The following CAND2 variants were observed in gnomAD, a reference collection of about 807,000 sequenced individuals.
CAND2 encodes cullin-associated NEDD8-dissociated protein 2.
CAND2 carries 62 observed loss-of-function variants against 98.9 expected under a neutral mutation model. That is an observed-to-expected ratio of 0.63 (90% CI 0.51 to 0.77). CAND2 has a LOEUF of 0.77. Ranked by LOEUF, CAND2 falls within the 30% of genes least tolerant of loss-of-function variation. The pLI is 0.00. For missense variants in CAND2, 1,501 were observed against 1,655.2 expected, an observed-to-expected ratio of 0.91 and a Z score of 1.62; for synonymous variants, 770 against 731.9, an observed-to-expected ratio of 1.05 and a Z score of -0.84.
intron 10 of CAND2, among the ~76,000 whole-genome samples, chr3:12,819,527 G>A (rs1047499165): frequency 6.6e-6 from 1 of 152,178 alleles, no homozygotes; most frequent in Non-Finnish European, 1.5e-5. Context: ...CAAGCTCTCT[G>A]TGACCGAGCC....
chr3:12,814,960 G>A (rs552938270), intron 7 of CAND2, among the ~76,000 whole-genome samples, 181 bp from the exon 8 acceptor site: 83 of 152,228 alleles, frequency 5.5e-4, no homozygotes, highest in African/African-American at 1.8e-3. Flanking sequence ...AGCCCCATCC[G>A]TAGCACTCAG....
intron 11 of CAND2, among the ~76,000 whole-genome samples, chr3:12,821,244 A>G (rs1326349283): frequency 2.0e-5 from 3 of 152,028 alleles, no homozygotes; most frequent in African/African-American, 7.2e-5. Context: ...AAAAAAAAAA[A>G]AAAAAATTAG....
At chr3:12,830,571 G>C (rs1300514775) in intron 13 of CAND2, among the ~76,000 whole-genome samples, 1 of 152,216 alleles carries the variant, frequency 6.6e-6, no homozygotes, top group African/African-American at 2.4e-5. Flanking sequence ...CAGGAGCGCA[G>C]GACAGGGCCT....
At chr3:12,830,611 T>C (rs370322843) in intron 13 of CAND2, among the ~76,000 whole-genome samples, 2 of 152,234 alleles carry the variant, frequency 1.3e-5, no homozygotes, top group East Asian at 3.8e-4. Flanking sequence ...GAGTCCACTC[T>C]GCTGCCACCC....
At chr3:12,813,823 G>A (rs543546005) in intron 7 of CAND2, among the ~76,000 whole-genome samples, 1 of 152,320 alleles carries the variant, frequency 6.6e-6, no homozygotes, top group African/African-American at 2.4e-5. Flanking sequence ...CTCTGATGGT[G>A]GAATGGCAGG....
chr3:12,815,952 AGCT>A lies in CAND2; in HGVS notation c.1387_1389del (p.Leu463del). On this transcript the variant is annotated inframe_deletion, in exon 9 of 15. Transcript: ENST00000456430. The surrounding 1 kb of genome is among the most constrained non-coding windows in gnomAD (Gnocchi z 5.7). Reference sequence around the variant, plus strand: ...CAGGGATGCTTCAGCCTCCTCACCGAGCTGGCGGGTGTCCTCCCAGGCAGCCTG... The same window carrying A: ...CAGGGATGCTTCAGCCTCCTCACCGAGGCGGGTGTCCTCCCAGGCAGCCTG... 1 of 1,613,842 alleles carries A rather than the reference AGCT, an allele frequency of 6.2e-7. No homozygotes were observed. The highest frequency in any genetic ancestry group is 8.5e-7 in the Non-Finnish European group (1 of 1,179,974).
chr3:12,819,819 G>C (rs1032328959), intron 10 of CAND2, among the ~76,000 whole-genome samples: 2 of 152,234 alleles, frequency 1.3e-5, no homozygotes, highest in Admixed American at 6.5e-5. Context: ...TGTTGGAGCA[G>C]TTCCTGTCTT....
Position 12,813,275 on chromosome 3 carries a change from C to T in CAND2, c.893C>T (p.Pro298Leu). ...CCCAAGGAAATGGGTCCTCACGTGC[C>T]CAACGTGACCAGCCTCTGCCTCCAA... Reference protein sequence around the residue: ...KCPKEMGPHVPNVTSLCLQYI... With the variant: ...KCPKEMGPHVLNVTSLCLQYI... Residue 298 changes from proline (P) to leucine (L), a missense_variant, in exon 7 of 15, where the codon CCC becomes CTC. Coordinates refer to ENST00000456430, the MANE Select transcript of CAND2 (RefSeq NM_001162499.2). 6.2e-7 allele frequency: 1 copy of T among 1,613,806 alleles called. No individual in the cohort carries two copies. The highest frequency in any genetic ancestry group is 8.5e-7 in the Non-Finnish European group (1 of 1,179,986).
At position 12,817,806 on chromosome 3, in the gene CAND2, G is replaced by T; in HGVS notation, c.2874G>T (p.Glu958Asp). ...AGGGCACCCGGGGGGTGGTGGCCGAGTGCATTGGGAAGCTGGTCCTTGTGA... is the reference window on the plus strand; with the variant it reads ...AGGGCACCCGGGGGGTGGTGGCCGATTGCATTGGGAAGCTGGTCCTTGTGA... ...AEEGTRGVVA[E>D]CIGKLVLVNP... Residue 958 changes from glutamate to aspartate, a missense_variant, in exon 10 of 15, where the codon GAG (glutamate) becomes GAT (aspartate). Around this residue, in one of 3 missense-constraint regions of CAND2, gnomAD observed 1,427 missense variants for 1,545.3 expected, o/e 0.92. Coordinates refer to ENST00000456430, the MANE Select transcript of CAND2 (RefSeq NM_001162499.2). The T allele has an allele frequency of 6.6e-7, 1 of 1,526,602 alleles. No homozygotes were observed. The highest frequency in any genetic ancestry group is 8.8e-7 in the Non-Finnish European group (1 of 1,139,542). The allele number at this position is 1,526,602 out of a possible 1,614,324, so 94.6% of individuals were successfully genotyped here. A position where few individuals can be genotyped will look rare whatever the true frequency, so the allele number is the denominator to read the frequency against.
rs374047348 is a variant in CAND2 at position 12,817,644 on chromosome 3, C to T, written c.2712C>T (p.Ile904=). ...PDFLPFLLEQ[I]EAEPRRQYLL... is the part of the protein sequence containing the mutation. ...TCCTGCCCTTCCTGCTGGAGCAGATCGAGGCTGAGCCCCGACGACAGTACC... is the reference window on the plus strand; with the variant it reads ...TCCTGCCCTTCCTGCTGGAGCAGATTGAGGCTGAGCCCCGACGACAGTACC... Residue 904 remains isoleucine (I), a synonymous_variant, in exon 10 of 15, where the codon ATC becomes ATT. Transcript: ENST00000456430. The T allele has an allele frequency of 1.2e-5, 20 of 1,612,894 alleles. No homozygotes were observed. Among genetic ancestry groups the T allele is most frequent in the African/African-American group, 5.3e-5 (4 of 74,940 alleles).
Position 12,834,753 on chromosome 3 carries a change from C to G in CAND2, c.*771C>G, listed in dbSNP as rs1206727587. On this transcript the variant is annotated 3_prime_UTR_variant, in exon 15 of 15. Coordinates refer to ENST00000456430, the MANE Select transcript of CAND2 (RefSeq NM_001162499.2). Reference sequence around the variant, plus strand: ...GGACAAAGAAATACAAGTGGCAGGCCCAAGTATTTTCTGTGATATCCCAGG... The same window carrying G: ...GGACAAAGAAATACAAGTGGCAGGCGCAAGTATTTTCTGTGATATCCCAGG... 2 of 152,094 alleles carry G rather than the reference C, an allele frequency of 1.3e-5. No individual in the cohort carries two copies. Among genetic ancestry groups the G allele is most frequent in the African/African-American group, 4.8e-5 (2 of 41,412 alleles). The allele number at this position is 152,094 out of a possible 1,614,324, so 9.4% of individuals were successfully genotyped here. A position where few individuals can be genotyped will look rare whatever the true frequency, so the allele number is the denominator to read the frequency against.
At chr3:12,802,991 T>A (rs1407543133) in intron 1 of CAND2, among the ~76,000 whole-genome samples, 1 of 149,338 alleles carries the variant, frequency 6.7e-6, no homozygotes, top group South Asian at 2.1e-4. Context: ...TTAAAATCTT[T>A]TTTTTTTTTT....
chr3:12,830,314 G>T (rs999409740), intron 13 of CAND2, among the ~76,000 whole-genome samples: 8 of 152,208 alleles, frequency 5.3e-5, no homozygotes, highest in Non-Finnish European at 8.8e-5. Flanking sequence ...GAAAATGATG[G>T]GGCGCACAAA....
chr3:12,809,993 G>A, intron 4 of CAND2, 66 bp from the exon 5 acceptor site: 1 of 1,386,904 alleles, frequency 7.2e-7, no homozygotes, highest in Non-Finnish European at 9.3e-7. Flanking sequence ...AATGGGGAGA[G>A]GGGCGGAGCC....
At chr3:12,798,416 T>C (rs6806919) in intron 1 of CAND2, among the ~76,000 whole-genome samples, 35,565 of 152,008 alleles carry the variant, frequency 0.23, 8,227 homozygotes, top group African/African-American at 0.6. Context: ...CCTGGGCCAC[T>C]GGGACTATGC....
In CAND2 at chr3:12,834,017, G is replaced by T. The variant is rs1347431855; in HGVS notation, c.*35G>T. 1.9e-6 allele frequency: 3 copies of T among 1,573,800 alleles called. No homozygotes were observed. The highest frequency in any genetic ancestry group is 1.7e-6 in the Non-Finnish European group (2 of 1,144,688). ...CACCAAGGTGGGCCCTCGCTTAAGA[G>T]AAAGGAGCCCACCCAAGTCCGAGGC... On this transcript the variant is annotated 3_prime_UTR_variant, in exon 15 of 15. Coordinates refer to ENST00000456430, the MANE Select transcript of CAND2 (RefSeq NM_001162499.2).
intron 13 of CAND2, among the ~76,000 whole-genome samples, chr3:12,829,826 T>C (rs1250047423): frequency 6.6e-6 from 1 of 152,208 alleles, no homozygotes; most frequent in Non-Finnish European, 1.5e-5. Flanking sequence ...TTAACTTACA[T>C]TTACTGTATG....
At chr3:12,824,651 G>A (rs967786192) in intron 11 of CAND2, among the ~76,000 whole-genome samples, 1 of 152,236 alleles carries the variant, frequency 6.6e-6, no homozygotes, top group Non-Finnish European at 1.5e-5. Context: ...GCTCATGCCT[G>A]TAATCTCGGC....
chr3:12,797,943 GC>G (rs1007332386), intron 1 of CAND2, among the ~76,000 whole-genome samples: 2 of 151,826 alleles, frequency 1.3e-5, no homozygotes, highest in Non-Finnish European at 2.9e-5. Flanking sequence ...CCCCTCAAGA[GC>G]CCCCCCACAT....
Sources: allele counts gnomAD v4.1 joint callset (sites outside exome capture counted in the v4.1 genomes callset), GRCh38; gene constraint gnomAD v4.1.1; regional missense constraint gnomAD v4.1.1; non-coding constraint Gnocchi (gnomAD v3.1); transcripts MANE v1.5; gene names NCBI Gene and HGNC (gene_info 2026-07-23, HGNC 2026-07-21).